SPIN1: variants seen among roughly 807,000 people sequenced by gnomAD.
SPIN1 encodes spindlin-1.
A neutral mutation model predicts 26.0 loss-of-function variants in SPIN1; 3 were observed. The ratio of observed to expected loss-of-function variants is 0.12; its 90% confidence interval spans 0.05 to 0.30. The LOEUF is 0.30. Ranked by LOEUF, SPIN1 falls within the 10% of genes least tolerant of loss-of-function variation. The pLI is 1.00. For synonymous variants in SPIN1, 101 were observed against 116.5 expected, an observed-to-expected ratio of 0.87 and a Z score of 0.86; for missense variants, 126 against 333.4, an observed-to-expected ratio of 0.38 and a Z score of 4.84.
At chr9:88,455,938 C>T (rs776224943) in intron 3 of SPIN1, among the ~76,000 whole-genome samples, 1 of 152,198 alleles carries the variant, frequency 6.6e-6, no homozygotes, top group Non-Finnish European at 1.5e-5. Context: ...GGCAACAAAG[C>T]AAGACCCCAG....
rs1190880352 is a variant in SPIN1, at chr9:88,462,486, G to C, written c.102-10G>C. The stretch of plus-strand genomic sequence containing the variant: ...GATAATACCTTATGTGTGTATATGT[G>C]TGAATACAGAAAACATCGGAGCAGT... On this transcript the variant is annotated splice_polypyrimidine_tract_variant and intron_variant, in intron 3 of 5. Coordinates refer to ENST00000375859, the MANE Select transcript of SPIN1 (RefSeq NM_006717.3). 1.2e-6 allele frequency: 2 copies of C among 1,613,544 alleles called. No individual in the cohort carries two copies. The highest frequency in any genetic ancestry group is 1.1e-5 in the South Asian group (1 of 90,970).
intron 1 of SPIN1, among the ~76,000 whole-genome samples, chr9:88,421,719 G>T (rs1004555821): frequency 6.7e-6 from 1 of 148,324 alleles, no homozygotes. Flanking sequence ...TTTCTTTTTT[G>T]ACACTGACTT....
intron 3 of SPIN1, among the ~76,000 whole-genome samples, chr9:88,458,922 G>C (rs376611564): frequency 6.6e-6 from 1 of 152,108 alleles, no homozygotes; most frequent in African/African-American, 2.4e-5. Context: ...CATAGTCTGC[G>C]ATCCAAATGT....
chr9:88,468,346 T>G (rs1828712819), intron 4 of SPIN1, 26 bp from the exon 5 acceptor site: 1 of 88,178 alleles, frequency 1.1e-5, no homozygotes, highest in Non-Finnish European at 1.9e-5. Context: ...CTTTGTCAAC[T>G]TTTTTTTTTT....
At chr9:88,409,844 A>AT (rs1428062522) in intron 1 of SPIN1, among the ~76,000 whole-genome samples, 1 of 152,068 alleles carries the variant, frequency 6.6e-6, no homozygotes, top group Non-Finnish European at 1.5e-5. Flanking sequence ...TCTCAAAAAA[A>AT]AAAAAAAAGA....
chr9:88,413,305 G>A lies in SPIN1; in HGVS notation c.-158-13077G>A, dbSNP rs1040939670. 5.3e-5 allele frequency among the ~76,000 whole-genome samples: 8 copies of A among 151,856 alleles called. No individual in the cohort carries two copies. The East Asian group carries it at 1.5e-3, about 29-fold the overall frequency. On this transcript the variant is annotated intron_variant, in intron 1 of 5. Coordinates refer to ENST00000375859, the MANE Select transcript of SPIN1 (RefSeq NM_006717.3). Reference sequence around the variant, plus strand: ...ACTCCTGACATCAGGTGATCTGCCTGCCTTGGCCTCCTAAAGTGTTGGCCT... The same window carrying A: ...ACTCCTGACATCAGGTGATCTGCCTACCTTGGCCTCCTAAAGTGTTGGCCT...
chr9:88,460,072 G>C (rs1015397073), intron 3 of SPIN1, among the ~76,000 whole-genome samples: 5 of 152,092 alleles, frequency 3.3e-5, no homozygotes, highest in African/African-American at 1.2e-4. Context: ...CAGTCATTCT[G>C]GGTTTTCCTG....
chr9:88,464,213 T>A (rs901375631), intron 4 of SPIN1, among the ~76,000 whole-genome samples: 1 of 152,234 alleles, frequency 6.6e-6, no homozygotes, highest in African/African-American at 2.4e-5. Context: ...CAGCTAATAG[T>A]TGTTATTAAT....
chr9:88,443,902 C>G (rs963881945), intron 2 of SPIN1, among the ~76,000 whole-genome samples: 2 of 150,704 alleles, frequency 1.3e-5, no homozygotes, highest in African/African-American at 5.0e-5. Context: ...TAAGAGAGCC[C>G]CCAACCCCTG....
Position 88,400,597 on chromosome 9 carries a change from G to A in SPIN1, c.-159+12059G>A, listed in dbSNP as rs982537110. 5.3e-5 allele frequency among the ~76,000 whole-genome samples: 8 copies of A among 152,180 alleles called. 1 individual carries two copies. In the East Asian group the frequency reaches 1.5e-3, roughly 29 times the overall value. ...GTGATGGCTAATACCTGTAATCCCAGCACTTTGGGAGGCCAAGGCAGGAGG... is the reference window on the plus strand; with the variant it reads ...GTGATGGCTAATACCTGTAATCCCAACACTTTGGGAGGCCAAGGCAGGAGG... On this transcript the variant is annotated intron_variant, in intron 1 of 5. Transcript: ENST00000375859.
chr9:88,410,790 A>T (rs1827426566), intron 1 of SPIN1: 6 of 1,050,410 alleles, frequency 5.7e-6, no homozygotes, highest in Non-Finnish European at 8.8e-6. Flanking sequence ...CACCAAAGCC[A>T]CCATGACCAC....
intron 1 of SPIN1, chr9:88,410,687 A>G: frequency 7.2e-7 from 1 of 1,395,572 alleles, no homozygotes. Flanking sequence ...AAATTTGAAG[A>G]CTGATTGTTG....
intron 1 of SPIN1, among the ~76,000 whole-genome samples, chr9:88,396,851 A>G (rs1827072771): frequency 1.3e-5 from 2 of 152,144 alleles, no homozygotes; most frequent in Non-Finnish European, 2.9e-5. Context: ...CCTGTACAGC[A>G]TATGACTGAA....
chr9:88,474,988 A>C, intron 5 of SPIN1, 90 bp from the exon 6 acceptor site: 1 of 1,289,636 alleles, frequency 7.8e-7, no homozygotes, highest in Non-Finnish European at 1.0e-6. Flanking sequence ...TAAGTTATGA[A>C]AATAAATATG....
At chr9:88,449,119 G>A (rs1176809107) in intron 3 of SPIN1, 130 bp downstream of exon 3, 10 of 781,366 alleles carry the variant, frequency 1.3e-5, no homozygotes, top group African/African-American at 3.5e-5. Flanking sequence ...TGTAGTGTGC[G>A]ATGAGGAATA....
Position 88,441,431 on chromosome 9 carries a change from A to ATGTGTGTG in SPIN1, c.53-7508_53-7501dup, listed in dbSNP as rs927476863. Among the ~76,000 whole-genome samples, 13 of 93,306 alleles carry ATGTGTGTG rather than the reference A, an allele frequency of 1.4e-4. 1 individual carries two copies. The highest frequency in any genetic ancestry group is 6.4e-4 in the African/African-American group (5 of 7,762). The allele number at this position is 93,306 out of a possible 152,430, so 61.2% of individuals were successfully genotyped here. ...TGTGTGTGTGCGCGCGCGCGCGCCC[A>ATGTGTGTG]TGTGTGTGTACATACATTGTTGCTC... On this transcript the variant is annotated intron_variant, in intron 2 of 5. Transcript: ENST00000375859.
chr9:88,441,446 C>T (rs2118098744), intron 2 of SPIN1, among the ~76,000 whole-genome samples: 1 of 120,968 alleles, frequency 8.3e-6, no homozygotes, highest in East Asian at 2.2e-4. Context: ...TGTGTACATA[C>T]ATTGTTGCTC....
chr9:88,473,463 C>T (rs1488013544), intron 5 of SPIN1, among the ~76,000 whole-genome samples: 1 of 152,162 alleles, frequency 6.6e-6, no homozygotes, highest in Admixed American at 6.5e-5. Context: ...AGGAATTTGT[C>T]ATGAGAACAT....
At chr9:88,454,629 C>T (rs1255960057) in intron 3 of SPIN1, among the ~76,000 whole-genome samples, 3 of 152,216 alleles carry the variant, frequency 2.0e-5, no homozygotes, top group Admixed American at 6.5e-5. Flanking sequence ...AGTAGTGTAT[C>T]ATAAATCTTG....
Sources: gnomAD v4.1 joint callset for allele counts (sites outside exome capture counted in the v4.1 genomes callset) on GRCh38, gnomAD v4.1.1 for gene constraint, MANE v1.5 for transcripts, NCBI Gene and HGNC (gene_info 2026-07-23, HGNC 2026-07-21) for gene names.